PREPL: variants seen among roughly 807,000 people sequenced by gnomAD.
PREPL encodes prolyl endopeptidase like.
Under a neutral mutation model 70.6 loss-of-function variants are expected in PREPL, and 77 were observed. The ratio of observed to expected loss-of-function variants is 1.09; its 90% CI spans 0.91 to 1.32. The LOEUF (loss-of-function observed/expected upper bound fraction) is 1.32, where lower values mean the gene tolerates loss of function less well. PREPL is among the 40% of genes most tolerant of loss of function. The probability of loss-of-function intolerance (pLI) is 0.00; values close to 1 mark genes in which losing one functional copy is unlikely to be tolerated. For synonymous variants in PREPL, 315 were observed against 264.8 expected (o/e 1.19, Z -1.84); for missense variants, 1,002 against 778.2 (o/e 1.29, Z -3.42).
chr2:44,339,313 T>G lies in PREPL; in HGVS notation c.536A>C (p.Asn179Thr), dbSNP rs750580810. The G allele has an allele frequency of 1.2e-6, 2 of 1,613,988 alleles. No individual in the cohort carries two copies. Among genetic ancestry groups the G allele is most frequent in the East Asian group, 4.5e-5 (2 of 44,868 alleles). ...TTCAGAAGTAGTCTTGTTCATAATA[T>G]TTATGGTGAGGAAACGACTGTCTTT... ...LTKDSRFLTI[N>T]IMNKTTSEVW... The change falls in exon 6 of 14, where the codon AAT (asparagine) becomes ACT (threonine). Residue 179 changes from asparagine (N) to threonine (T), a missense_variant. Physicochemically the swap from Asn to Thr is moderately conservative, Grantham distance 65 (BLOSUM62 0). Coordinates refer to ENST00000409411, the MANE Select transcript of PREPL (RefSeq NM_001171613.2).
chr2:44,340,634 A>T (rs1201127086), intron 5 of PREPL, among the ~76,000 whole-genome samples: 3 of 152,174 alleles, frequency 2.0e-5, no homozygotes, highest in African/African-American at 7.2e-5. Flanking sequence ...CTCTTTAAAA[A>T]TTAAGAATAT....
chr2:44,318,095 GTTTTT>G lies in PREPL; in HGVS notation c.*3256_*3260del, dbSNP rs11348872. 1.4e-4 allele frequency: 56 copies of G among 396,902 alleles called. No homozygotes were observed. The highest frequency in any genetic ancestry group is 5.7e-4 in the South Asian group (32 of 56,246). 24.6% of individuals were successfully genotyped at this position (396,902 alleles called of 1,614,324 possible). A position where few individuals can be genotyped will look rare whatever the true frequency, so the allele number is the denominator to read the frequency against. The stretch of plus-strand genomic sequence containing the variant: ...ATAATACTTAAAGGATCTCAACACT[GTTTTT>G]TTTTTTTTTTGAGACAGTCTTGCTC... On this transcript the variant is annotated 3_prime_UTR_variant, in exon 14 of 14. Coordinates refer to ENST00000409411, the MANE Select transcript of PREPL (RefSeq NM_001171613.2).
rs1672914004 is a variant in PREPL, at chr2:44,321,259, A to G, written c.*97T>C. ...ACATTTTAAAAAATTAATAACTTAA[A>G]AGTCTCAAGTTATTAATTTTTTTTT... On this transcript the variant is annotated 3_prime_UTR_variant, in exon 14 of 14. Coordinates refer to ENST00000409411, the MANE Select transcript of PREPL (RefSeq NM_001171613.2). 5 of 1,044,570 alleles carry G rather than the reference A, an allele frequency of 4.8e-6. No individual in the cohort carries two copies. In the Admixed American group the frequency reaches 1.1e-4, roughly 22 times the overall value. 64.7% of individuals were successfully genotyped at this position (1,044,570 alleles called of 1,614,324 possible). A position where few individuals can be genotyped will look rare whatever the true frequency, so the allele number is the denominator to read the frequency against.
Position 44,321,325 on chromosome 2 carries a change from G to C in PREPL, c.*31C>G, listed in dbSNP as rs368025935. On this transcript the variant is annotated 3_prime_UTR_variant, in exon 14 of 14. Transcript: ENST00000409411. ...AAGTAAGACTATGAAATATTTCAGT[G>C]TGTTTCCAATTCCCAGTTGAATGCA... The C allele has an allele frequency of 1.1e-4, 169 of 1,507,152 alleles. No individual in the cohort carries two copies. The African/African-American group carries it at 2.2e-3, about 20-fold the overall frequency. The allele number at this position is 1,507,152 out of a possible 1,614,324, so 93.4% of individuals were successfully genotyped here.
At chr2:44,355,101 T>C (rs1167049538) in intron 1 of PREPL, among the ~76,000 whole-genome samples, 1 of 152,198 alleles carries the variant, frequency 6.6e-6, no homozygotes, top group Non-Finnish European at 1.5e-5. Context: ...AATAGCTTTG[T>C]GTCAGTTTAG....
At chr2:44,355,224 C>A (rs1281743226) in intron 1 of PREPL, among the ~76,000 whole-genome samples, 1 of 152,124 alleles carries the variant, frequency 6.6e-6, no homozygotes, top group Non-Finnish European at 1.5e-5. Context: ...CACTCAAGCT[C>A]TCTAGTCTTC....
At chr2:44,329,740 T>C (rs914640305) in intron 8 of PREPL, among the ~76,000 whole-genome samples, 1 of 152,204 alleles carries the variant, frequency 6.6e-6, no homozygotes, top group African/African-American at 2.4e-5. Flanking sequence ...TTAAATTATT[T>C]GTAAGGTTAC....
chr2:44,323,485 T>C, intron 10 of PREPL, 74 bp from the exon 11 acceptor site: 1 of 1,228,612 alleles, frequency 8.1e-7, no homozygotes, highest in Non-Finnish European at 1.1e-6. Context: ...CATTCTATTT[T>C]ATGAATATAC....
chr2:44,329,058 G>A lies in PREPL; in HGVS notation c.1141C>T (p.Gln381Ter). 1 of 1,612,058 alleles carries A rather than the reference G, an allele frequency of 6.2e-7. No homozygotes were observed. The highest frequency in any genetic ancestry group is 8.5e-7 in the Non-Finnish European group (1 of 1,178,364). ...ACATGTACCAAGAGAGGTTTCTTCTGCAAGTCCTCAGAGTCAGTTTTGTGG... is the reference window on the plus strand; with the variant it reads ...ACATGTACCAAGAGAGGTTTCTTCTACAAGTCCTCAGAGTCAGTTTTGTGG... ...VFHKTDSEDL[Q>*]KKPLLVHVYG... The change falls in exon 9 of 14, where the codon CAG becomes TAG. Residue 381 changes from glutamine to a stop codon, truncating the protein, a stop_gained. Transcript: ENST00000409411. LOFTEE classifies it high-confidence loss of function.
At position 44,326,782 on chromosome 2, in the gene PREPL, C is replaced by T. The variant is rs2103750576; in HGVS notation, c.1409G>A (p.Ser470Asn). ...TGCTCCTGCAAGCACCCCTCCAGCA[C>T]TGAAAGCAGTCAGGGTTGTTAGACT... is the stretch of plus-strand genomic sequence containing the variant. ...QPSLTTLTAF[S>N]AGGVLAGALC... The change falls in exon 10 of 14, where the codon AGT becomes AAT. Residue 470 changes from serine (S) to asparagine (N), a missense_variant. Ser to Asn is a conservative substitution (Grantham distance 46). Transcript: ENST00000409411. The T allele has an allele frequency of 6.2e-7, 1 of 1,614,186 alleles. No homozygotes were observed.
At chr2:44,328,268 CAA>C (rs1202363557) in intron 9 of PREPL, among the ~76,000 whole-genome samples, 4 of 102,862 alleles carry the variant, frequency 3.9e-5, no homozygotes, top group Non-Finnish European at 5.6e-5. Context: ...GATTCTATCT[CAA>C]AAAAAAAAAA....
chr2:44,328,438 C>CAAAAA lies in PREPL; in HGVS notation c.1262+494_1262+498dup, dbSNP rs1194898905. On this transcript the variant is annotated intron_variant, in intron 9 of 13. Coordinates refer to ENST00000409411, the MANE Select transcript of PREPL (RefSeq NM_001171613.2). ...GGCGACAAAGCAAAACTGTCTCAAA[C>CAAAAA]AAAAAAAAAAAAAAAAAAAAAAAAA... Among the ~76,000 whole-genome samples the CAAAAA allele has an allele frequency of 3.4e-3, 209 of 60,894 alleles. 2 individuals are homozygous for CAAAAA. Among genetic ancestry groups the CAAAAA allele is most frequent in the Middle Eastern group, 0.016 (1 of 64 alleles). 39.9% of individuals were successfully genotyped at this position (60,894 alleles called of 152,430 possible). A position where few individuals can be genotyped will look rare whatever the true frequency, so the allele number is the denominator to read the frequency against.
At chr2:44,348,972 C>T (rs1290073131) in intron 1 of PREPL, among the ~76,000 whole-genome samples, 1 of 152,162 alleles carries the variant, frequency 6.6e-6, no homozygotes. Context: ...GTTTCAAAGG[C>T]ATATACTACC....
At chr2:44,335,593 A>G (rs550098373) in intron 7 of PREPL, among the ~76,000 whole-genome samples, 13 of 152,366 alleles carry the variant, frequency 8.5e-5, no homozygotes, top group Admixed American at 8.5e-4. Context: ...ACCTAAGACT[A>G]TAAAAACCCT....
chr2:44,341,678 TA>T (rs923786412), intron 5 of PREPL, among the ~76,000 whole-genome samples: 46 of 151,860 alleles, frequency 3.0e-4, no homozygotes, highest in African/African-American at 1.0e-3. Context: ...TATCGACAAT[TA>T]TTTTTAAATT....
Position 44,321,268 on chromosome 2 carries a change from G to C in PREPL, c.*88C>G, listed in dbSNP as rs960071470. 3.2e-5 allele frequency: 37 copies of C among 1,146,288 alleles called. No individual in the cohort carries two copies. The highest frequency in any genetic ancestry group is 7.6e-5 in the Admixed American group (3 of 39,296). The allele number at this position is 1,146,288 out of a possible 1,614,324, so 71.0% of individuals were successfully genotyped here. A position where few individuals can be genotyped will look rare whatever the true frequency, so the allele number is the denominator to read the frequency against. On this transcript the variant is annotated 3_prime_UTR_variant, in exon 14 of 14. Transcript: ENST00000409411. ...AAAATTAATAACTTAAAAGTCTCAA[G>C]TTATTAATTTTTTTTTTGCTAACTC...
In PREPL at chr2:44,319,935, T is replaced by C. The variant is rs1382032035; in HGVS notation, c.*1421A>G. The C allele has an allele frequency of 2.5e-6, 1 of 400,914 alleles. No homozygotes were observed. Among genetic ancestry groups the C allele is most frequent in the African/African-American group, 2.0e-5 (1 of 49,162 alleles). 24.8% of individuals were successfully genotyped at this position (400,914 alleles called of 1,614,324 possible). A position where few individuals can be genotyped will look rare whatever the true frequency, so the allele number is the denominator to read the frequency against. On this transcript the variant is annotated 3_prime_UTR_variant, in exon 14 of 14. Transcript: ENST00000409411. Reference sequence around the variant, plus strand: ...GGGACTCCTAAAGTGGAGTCAAATTTGATCTCTACAGAAACTCTACAATGT... The same window carrying C: ...GGGACTCCTAAAGTGGAGTCAAATTCGATCTCTACAGAAACTCTACAATGT...
Position 44,332,455 on chromosome 2 carries a change from C to G in PREPL, c.1086+4G>C. 6.2e-7 allele frequency: 1 copy of G among 1,608,718 alleles called. No homozygotes were observed. The highest frequency in any genetic ancestry group is 8.5e-7 in the Non-Finnish European group (1 of 1,175,308). On this transcript the variant is annotated splice_donor_region_variant and intron_variant, in intron 8 of 13. Transcript: ENST00000409411. The stretch of plus-strand genomic sequence containing the variant: ...GAGCTGAAAGTGAAGATTATAAGAC[C>G]TACCTTGCTTTTGGCTTCTAGACGT...
At chr2:44,338,032 A>G (rs1674814927) in intron 7 of PREPL, among the ~76,000 whole-genome samples, 1 of 152,194 alleles carries the variant, frequency 6.6e-6, no homozygotes, top group Non-Finnish European at 1.5e-5. Flanking sequence ...CTTTGGCCTG[A>G]GTTTTTACTA....
Sources: gnomAD v4.1 joint callset for allele counts (sites outside exome capture counted in the v4.1 genomes callset) on GRCh38, gnomAD v4.1.1 for gene constraint, MANE v1.5 for transcripts, NCBI Gene and HGNC (gene_info 2026-07-23, HGNC 2026-07-21) for gene names.